Variants in CXADR observed in about 807,000 individuals in gnomAD.
CXADR encodes the protein CXADR cell adhesion molecule, also known as coxsackievirus and adenovirus receptor.
CXADR carries 20 observed loss-of-function variants against 40.3 expected under a neutral mutation model. That is an observed-to-expected ratio of 0.50 (90% CI 0.35 to 0.72). The LOEUF is 0.72. CXADR is among the 30% of genes least tolerant of loss of function. The pLI, the probability that CXADR is intolerant of heterozygous loss-of-function variation, is 0.01. For missense variants in CXADR, 332 were observed against 449.1 expected (o/e 0.74, Z 2.36); for synonymous variants, 150 against 161.3 (o/e 0.93, Z 0.53).
intron 1 of CXADR, 113 bp downstream of exon 1, chr21:17,513,285 G>A: frequency 3.9e-6 from 4 of 1,031,640 alleles, no homozygotes; most frequent in South Asian, 3.2e-5. Flanking sequence ...ATTTGGGGGC[G>A]CTGCTGCAGG....
chr21:17,586,329 G>T (rs1317210603), intron 7 of CXADR, among the ~76,000 whole-genome samples: 1 of 149,326 alleles, frequency 6.7e-6, no homozygotes, highest in African/African-American at 2.5e-5. Context: ...CAAATGGCCT[G>T]TCTTCCAATA....
At chr21:17,612,445 G>GAGGCGGCGTCTTTTTCCTC in the CXADR span, 1 of 152,224 alleles carries the variant, frequency 6.6e-6, no homozygotes, top group Non-Finnish European at 1.5e-5. Flanking sequence ...CAGGAGCCCT[G>GAGGCGGCGTCTTTTTCCTC]AGGCGGCGTC....
the CXADR span, among the ~76,000 whole-genome samples, chr21:17,629,741 G>A: frequency 6.6e-6 from 1 of 152,132 alleles, no homozygotes; most frequent in African/African-American, 2.4e-5. Flanking sequence ...GGAGGCTGAG[G>A]CAGGAAGATC....
chr21:17,629,518 T>C, the CXADR span, among the ~76,000 whole-genome samples: 1 of 152,132 alleles, frequency 6.6e-6, no homozygotes, highest in Non-Finnish European at 1.5e-5. Flanking sequence ...TTAGCTGTGA[T>C]TGTGCCACTG....
At chr21:17,632,207 T>C in the CXADR span, among the ~76,000 whole-genome samples, 1 of 152,152 alleles carries the variant, frequency 6.6e-6, no homozygotes, top group Non-Finnish European at 1.5e-5. Flanking sequence ...CAGTACCACA[T>C]AGTGAGAGAT....
chr21:17,586,951 G>A (rs145772782), intron 7 of CXADR, among the ~76,000 whole-genome samples: 2,519 of 151,860 alleles, frequency 0.017, 81 homozygotes, highest in African/African-American at 0.057. Context: ...ATGTGTTCTC[G>A]TTGTTCAATT....
At chr21:17,529,949 C>CT (rs556998750) in intron 1 of CXADR, among the ~76,000 whole-genome samples, 52 of 142,908 alleles carry the variant, frequency 3.6e-4, no homozygotes, top group Middle Eastern at 3.5e-3. Context: ...TTTTCTTTTT[C>CT]TTTTTTTTTT....
At chr21:17,541,577 C>T (rs2060829164) in intron 1 of CXADR, among the ~76,000 whole-genome samples, 1 of 150,772 alleles carries the variant, frequency 6.6e-6, no homozygotes, top group South Asian at 2.1e-4. Flanking sequence ...ATCCTATGTT[C>T]CACCTATTCT....
rs538436542 is a variant in CXADR at position 17,593,120 on chromosome 21, TTA to T, written c.1018-29_1018-28del. On this transcript the variant is annotated intron_variant, in intron 7 of 7. Coordinates refer to the CXADR transcript ENST00000400169. ...TACCTTTGGAGAAAAATCAAAACTC[TTA>T]TAGAGATATCTCTTTTTTTCTTTTT... The T allele has an allele frequency of 6.2e-4, 859 of 1,389,362 alleles. 1 individual carries two copies. In the African/African-American group the frequency reaches 0.01, roughly 17 times the overall value. 86.1% of individuals were successfully genotyped at this position (1,389,362 alleles called of 1,614,324 possible).
At chr21:17,599,155 G>C in the CXADR span, 1 of 223,160 alleles carries the variant, frequency 4.5e-6, no homozygotes, top group South Asian at 9.6e-5. Context: ...CAATGAAATT[G>C]GTTGTACAAT....
the CXADR span, chr21:17,612,313 T>A: frequency 6.6e-6 from 1 of 151,882 alleles, no homozygotes; most frequent in Admixed American, 6.5e-5. Flanking sequence ...GAGGCGCGAC[T>A]CTCCAGCAAA....
At chr21:17,592,623 AAG>A (rs1044339457) in intron 7 of CXADR, among the ~76,000 whole-genome samples, 22 of 151,832 alleles carry the variant, frequency 1.4e-4, no homozygotes, top group African/African-American at 5.3e-4. Context: ...ATGACTCTGA[AAG>A]TAATTTTTTT....
intron 6 of CXADR, among the ~76,000 whole-genome samples, chr21:17,562,803 G>T (rs1246833543): frequency 6.6e-6 from 1 of 152,150 alleles, no homozygotes; most frequent in Non-Finnish European, 1.5e-5. Context: ...TATGGAAATG[G>T]CCTTTTTCCC....
intron 6 of CXADR, among the ~76,000 whole-genome samples, chr21:17,561,961 A>G (rs115282045): frequency 7.4e-4 from 112 of 152,306 alleles, no homozygotes; most frequent in African/African-American, 2.3e-3. Context: ...CACACCCTAG[A>G]AATTGACATT....
At chr21:17,608,944 C>T in the CXADR span, 6 of 1,598,702 alleles carry the variant, frequency 3.8e-6, no homozygotes, top group Non-Finnish European at 5.1e-6. Flanking sequence ...GTTGATCAGC[C>T]TCTGCTTAAT....
intron 7 of CXADR, among the ~76,000 whole-genome samples, chr21:17,579,871 T>A (rs2061348094): frequency 1.4e-5 from 2 of 145,832 alleles, no homozygotes; most frequent in Admixed American, 6.9e-5. Context: ...GTTCCATTCC[T>A]GTTGTATTTT....
chr21:17,584,440 A>T (rs28567023), intron 7 of CXADR, among the ~76,000 whole-genome samples: 8,498 of 152,294 alleles, frequency 0.056, 465 homozygotes, highest in African/African-American at 0.15. Context: ...CTGCATTCAC[A>T]AGTTTGGTTA....
intron 7 of CXADR, among the ~76,000 whole-genome samples, chr21:17,589,334 C>A (rs1313721546): frequency 1.3e-5 from 2 of 152,042 alleles, no homozygotes; most frequent in Non-Finnish European, 2.9e-5. Context: ...ATTTGATTAT[C>A]ACTGATGGCA....
intron 7 of CXADR, among the ~76,000 whole-genome samples, chr21:17,583,348 C>T (rs2061373707): frequency 6.6e-6 from 1 of 152,082 alleles, no homozygotes; most frequent in South Asian, 2.1e-4. Context: ...ATTTACATAG[C>T]AGTTAAAGTT....
Sources: allele counts gnomAD v4.1 joint callset (sites outside exome capture counted in the v4.1 genomes callset), GRCh38; gene constraint gnomAD v4.1.1; transcripts MANE v1.5; gene names NCBI Gene and HGNC (gene_info 2026-07-23, HGNC 2026-07-21).